PRDM16: variants seen among roughly 807,000 people sequenced by gnomAD.
The protein encoded by PRDM16 is PR/SET domain 16, also known as histone-lysine N-methyltransferase PRDM16.
A neutral mutation model predicts 110.6 loss-of-function variants in PRDM16; 23 were observed. The ratio of observed to expected loss-of-function variants is 0.21; its 90% CI spans 0.15 to 0.29. The LOEUF is 0.29. PRDM16 is among the 10% of genes least tolerant of loss of function. The pLI is 1.00. For synonymous variants in PRDM16, 799 were observed against 781.8 expected, an observed-to-expected ratio of 1.02 and a Z score of -0.37; for missense variants, 1,615 against 1,794.3, an observed-to-expected ratio of 0.90 and a Z score of 1.81.
chr1:3,123,829 G>T (rs1466556806), intron 1 of PRDM16, among the ~76,000 whole-genome samples: 1 of 152,268 alleles, frequency 6.6e-6, no homozygotes, highest in Admixed American at 6.5e-5. Flanking sequence ...GAGCTGCGGG[G>T]TCTGGGGCAA....
chr1:3,274,411 T>C (rs1161030501), intron 3 of PRDM16, among the ~76,000 whole-genome samples: 1 of 152,230 alleles, frequency 6.6e-6, no homozygotes, highest in Non-Finnish European at 1.5e-5. Context: ...GAAAGGTCTC[T>C]GCTTGAATTA....
intron 14 of PRDM16, among the ~76,000 whole-genome samples, chr1:3,430,542 A>C (rs1193032408): frequency 6.6e-6 from 1 of 152,158 alleles, no homozygotes; most frequent in Non-Finnish European, 1.5e-5. Flanking sequence ...GTGCAGGTCC[A>C]GCTTCCCCAC....
chr1:3,269,625 A>G (rs111611259), intron 3 of PRDM16, among the ~76,000 whole-genome samples: 3,696 of 98,418 alleles, frequency 0.038, 186 homozygotes, highest in African/African-American at 0.22. Flanking sequence ...GCACAGTCCC[A>G]GAGGAGCACA....
intron 2 of PRDM16, among the ~76,000 whole-genome samples, chr1:3,222,071 G>C (rs924914143): frequency 6.6e-6 from 1 of 152,232 alleles, no homozygotes; most frequent in Non-Finnish European, 1.5e-5. Context: ...CTGGCAGGAA[G>C]TGAGGTGAGG....
intron 3 of PRDM16, among the ~76,000 whole-genome samples, chr1:3,363,962 G>A (rs962488321): frequency 1.1e-4 from 16 of 150,716 alleles, no homozygotes; most frequent in African/African-American, 1.7e-4. Flanking sequence ...TAAAGGCAGC[G>A]CCCCCCGCCC....
chr1:3,186,873 C>G (rs1644275107), intron 2 of PRDM16, among the ~76,000 whole-genome samples: 1 of 152,202 alleles, frequency 6.6e-6, no homozygotes, highest in Non-Finnish European at 1.5e-5. Flanking sequence ...TGTGGAGCCG[C>G]TCACAAATCA....
intron 2 of PRDM16, among the ~76,000 whole-genome samples, chr1:3,241,198 C>A (rs951727177): frequency 6.6e-6 from 1 of 152,276 alleles, no homozygotes; most frequent in African/African-American, 2.4e-5. Context: ...TTCCGCAACG[C>A]GGCTCAGGCC....
intron 3 of PRDM16, among the ~76,000 whole-genome samples, chr1:3,335,390 G>C (rs1344844186): frequency 2.0e-5 from 3 of 152,204 alleles, no homozygotes; most frequent in Non-Finnish European, 4.4e-5. Context: ...TTGGAGGATG[G>C]GGAACAGTTC....
chr1:3,377,034 C>T (rs893747142), intron 3 of PRDM16, among the ~76,000 whole-genome samples: 9 of 152,358 alleles, frequency 5.9e-5, no homozygotes, highest in South Asian at 2.1e-4. Flanking sequence ...CTTTCTGTTT[C>T]GGCTACTCGT....
chr1:3,083,318 G>A (rs1056256993), intron 1 of PRDM16, among the ~76,000 whole-genome samples: 2 of 152,230 alleles, frequency 1.3e-5, no homozygotes, highest in Non-Finnish European at 2.9e-5. Flanking sequence ...TCATAGCCCT[G>A]TCCTGGACTG....
intron 3 of PRDM16, among the ~76,000 whole-genome samples, chr1:3,376,249 G>A (rs1642988381): frequency 6.6e-6 from 1 of 152,182 alleles, no homozygotes; most frequent in South Asian, 2.1e-4. Context: ...GATTTTCGAA[G>A]GTGTCTGTGG....
chr1:3,334,092 C>T (rs896229581), intron 3 of PRDM16, among the ~76,000 whole-genome samples: 1 of 152,240 alleles, frequency 6.6e-6, no homozygotes, highest in Admixed American at 6.5e-5. Context: ...TTACCAGCAG[C>T]GTGAGCCAGG....
At chr1:3,212,145 C>T (rs1168366114) in intron 2 of PRDM16, among the ~76,000 whole-genome samples, 3 of 152,180 alleles carry the variant, frequency 2.0e-5, no homozygotes, top group South Asian at 2.1e-4. Flanking sequence ...GACTGCGCGG[C>T]GCGGGCCTCC....
chr1:3,158,693 C>CT (rs533519172), intron 1 of PRDM16, among the ~76,000 whole-genome samples: 3 of 151,174 alleles, frequency 2.0e-5, no homozygotes, highest in South Asian at 2.1e-4. Flanking sequence ...TTCTCTTTCT[C>CT]TTTTTTTCTC....
At chr1:3,185,030 G>A (rs890284629) in intron 1 of PRDM16, among the ~76,000 whole-genome samples, 1 of 152,154 alleles carries the variant, frequency 6.6e-6, no homozygotes, top group Admixed American at 6.5e-5. Flanking sequence ...TCATTCCCTC[G>A]CAGACGGACA....
At chr1:3,194,174 C>A (rs1244856389) in intron 2 of PRDM16, among the ~76,000 whole-genome samples, 2 of 152,234 alleles carry the variant, frequency 1.3e-5, no homozygotes, top group Non-Finnish European at 2.9e-5. Context: ...ACTCGTCTGG[C>A]CTTCTGCAAC....
rs1438366332 is a variant in PRDM16 at position 3,092,073 on chromosome 1, C to T, written c.37+22777C>T. 3.9e-5 allele frequency among the ~76,000 whole-genome samples: 6 copies of T among 152,200 alleles called. No individual in the cohort carries two copies. The East Asian group carries it at 9.6e-4, about 24-fold the overall frequency. On this transcript the variant is annotated intron_variant, in intron 1 of 16. Coordinates refer to ENST00000270722, the MANE Select transcript of PRDM16 (RefSeq NM_022114.4). ...CAGCCGTGGGTAAGGGTGGACCACG[C>T]AGGATCGCAGGATGCTCCCTGGGCC...
intron 1 of PRDM16, among the ~76,000 whole-genome samples, chr1:3,114,449 G>GCACACACA (rs1216342717): frequency 3.2e-5 from 4 of 126,036 alleles, no homozygotes; most frequent in Non-Finnish European, 6.2e-5. Context: ...AGACGCACAC[G>GCACACACA]CACACACACG....
At chr1:3,354,953 T>G (rs1170356788) in intron 3 of PRDM16, among the ~76,000 whole-genome samples, 1 of 152,004 alleles carries the variant, frequency 6.6e-6, no homozygotes, top group Non-Finnish European at 1.5e-5. Context: ...GTGGGGTCAG[T>G]CATTCCAGAG....
Sources: allele counts gnomAD v4.1 joint callset (sites outside exome capture counted in the v4.1 genomes callset), GRCh38; gene constraint gnomAD v4.1.1; transcripts MANE v1.5; gene names NCBI Gene and HGNC (gene_info 2026-07-23, HGNC 2026-07-21).